Variants in MTMR1 observed in about 807,000 individuals in gnomAD.
MTMR1 encodes the protein phosphatidylinositol-3-phosphate phosphatase MTMR1.
A neutral mutation model predicts 51.6 loss-of-function variants in MTMR1; 17 were observed. That is an observed-to-expected ratio of 0.33 (90% CI 0.23 to 0.49). MTMR1 has a LOEUF of 0.49. Among genes scored for constraint, MTMR1 ranks in the 20% least tolerant of loss-of-function variants. The probability of loss-of-function intolerance (pLI) is 0.99; values close to 1 mark genes in which losing one functional copy is unlikely to be tolerated. For missense variants in MTMR1, 386 were observed against 526.9 expected, an observed-to-expected ratio of 0.73 and a Z score of 2.62; for synonymous variants, 201 against 205.6, an observed-to-expected ratio of 0.98 and a Z score of 0.19.
intron 9 of MTMR1, 90 bp downstream of exon 9, chrX:150,731,709 C>CA: frequency 5.9e-6 from 5 of 847,706 alleles, no homozygotes; most frequent in Non-Finnish European, 7.9e-6. Context: ...AACTAGTGAA[C>CA]AAAAATGGAA....
chrX:150,735,642 T>A (rs891793808), intron 10 of MTMR1: 51 of 349,707 alleles, frequency 1.5e-4, no homozygotes, highest in East Asian at 3.1e-4. Flanking sequence ...TCTTCTTTTT[T>A]AAAAAAAACT....
At chrX:150,758,799 A>C (rs1341819766) in intron 15 of MTMR1, among the ~76,000 whole-genome samples, 4 of 111,006 alleles carry the variant, frequency 3.6e-5, no homozygotes, top group Non-Finnish European at 7.6e-5. Context: ...CCGTCTCAAA[A>C]AAAAAAAAAA....
In MTMR1 at chrX:150,718,606, T is replaced by TCCAGGCTCTAAGGGATGGAAATAAGC; in HGVS notation, c.277-19_277-18insCCAGGCTCTAAGGGATGGAAATAAGC. 1.0e-6 allele frequency: 1 copy of TCCAGGCTCTAAGGGATGGAAATAAGC among 973,988 alleles called. No homozygotes were observed. Among genetic ancestry groups the TCCAGGCTCTAAGGGATGGAAATAAGC allele is most frequent in the Non-Finnish European group, 1.3e-6 (1 of 772,011 alleles). The allele number at this position is 973,988 out of a possible 1,213,427, so 80.3% of individuals were successfully genotyped here. ...GTCCTTTTTTTTTTTTTTTTTTTTT[T>TCCAGGCTCTAAGGGATGGAAATAAGC]TTTTTTTTTTTTTGCCAGGCTCTAA... is the stretch of plus-strand genomic sequence containing the variant. On this transcript the variant is annotated intron_variant, in intron 3 of 15. Coordinates refer to ENST00000445323, the MANE Select transcript of MTMR1 (RefSeq NM_001306144.3).
At chrX:150,721,700 T>C (rs1428076342) in intron 4 of MTMR1, among the ~76,000 whole-genome samples, 2 of 111,555 alleles carry the variant, frequency 1.8e-5, no homozygotes, top group Non-Finnish European at 3.8e-5. Context: ...TTGATTTTAT[T>C]GATCTTCTCC....
intron 14 of MTMR1, among the ~76,000 whole-genome samples, chrX:150,755,400 A>G (rs1299936717): frequency 9.0e-6 from 1 of 111,655 alleles, no homozygotes; most frequent in African/African-American, 3.3e-5. Flanking sequence ...GGTGGGTCCT[A>G]TCATCCTGTG....
intron 2 of MTMR1, among the ~76,000 whole-genome samples, chrX:150,704,791 T>A (rs2041037783): frequency 9.0e-6 from 1 of 111,676 alleles, no homozygotes; most frequent in Non-Finnish European, 1.9e-5. Flanking sequence ...TTGAATAAGA[T>A]CCAGGGTCTT....
intron 3 of MTMR1, among the ~76,000 whole-genome samples, chrX:150,716,569 G>A (rs928882948): frequency 8.9e-6 from 1 of 112,454 alleles, no homozygotes; most frequent in African/African-American, 3.2e-5. Context: ...CTGTTTGGAG[G>A]TAACGATGAT....
At chrX:150,693,307 G>A, upstream of MTMR1, 1 of 251,053 alleles carries the variant, frequency 4.0e-6, no homozygotes, top group African/African-American at 2.9e-5. Flanking sequence ...GGTTCCCGGC[G>A]CCGGCCCCGC....
chrX:150,731,219 G>A (rs2042108399), intron 8 of MTMR1, among the ~76,000 whole-genome samples: 1 of 112,184 alleles, frequency 8.9e-6, no homozygotes, highest in Non-Finnish European at 1.9e-5. Flanking sequence ...ATATAGAAAT[G>A]TGATTCTAGC....
Position 150,695,670 on chromosome X carries a change from G to A in MTMR1, c.146+1994G>A, listed in dbSNP as rs782071602. Among the ~76,000 whole-genome samples, 6 of 112,067 alleles carry A rather than the reference G, an allele frequency of 5.4e-5. No individual in the cohort carries two copies. In the South Asian group the frequency reaches 2.2e-3, roughly 41 times the overall value. ...TTCGCTCTGGACATATCAATTTTGA[G>A]ATGCCAATTATATGTCCCAGAATAG... On this transcript the variant is annotated intron_variant, in intron 1 of 15. Coordinates refer to ENST00000445323, the MANE Select transcript of MTMR1 (RefSeq NM_001306144.3).
At chrX:150,744,599 A>G (rs1296613915) in intron 13 of MTMR1, 146 bp downstream of exon 13, 1 of 501,206 alleles carries the variant, frequency 2.0e-6, no homozygotes, top group Non-Finnish European at 3.2e-6. Flanking sequence ...TCGCTTAGAA[A>G]TATAAGCAGA....
rs1182491531 is a variant in MTMR1 at position 150,729,220 on chromosome X, A to ACC, written c.556-888_556-887insCC. Among the ~76,000 whole-genome samples, 245 of 101,280 alleles carry ACC rather than the reference A, an allele frequency of 2.4e-3. 4 individuals carry two copies. The highest frequency in any genetic ancestry group is 3.0e-3 in the East Asian group (10 of 3,359). The allele number at this position is 101,280 out of a possible 115,157, so 87.9% of individuals were successfully genotyped here. On this transcript the variant is annotated intron_variant, in intron 6 of 15. Coordinates refer to ENST00000445323, the MANE Select transcript of MTMR1 (RefSeq NM_001306144.3). ...TGGTTCATACTTGACACACCCACCC[A>ACC]CACACACACACACACACACACACAC...
chrX:150,729,218 CCACACACA>C (rs57306023), intron 6 of MTMR1, among the ~76,000 whole-genome samples: 1 of 100,107 alleles, frequency 1.0e-5, no homozygotes, highest in Admixed American at 1.1e-4. Flanking sequence ...ACACACCCAC[CCACACACA>C]CACACACACA....
chrX:150,700,795 A>G (rs2040879572), intron 2 of MTMR1, among the ~76,000 whole-genome samples: 1 of 112,668 alleles, frequency 8.9e-6, no homozygotes, highest in South Asian at 3.6e-4. Flanking sequence ...GTTAACTGTA[A>G]TGTTTTCATT....
At chrX:150,759,988 G>T (rs1557417932) in intron 15 of MTMR1, among the ~76,000 whole-genome samples, 1 of 109,723 alleles carries the variant, frequency 9.1e-6, no homozygotes, top group African/African-American at 3.2e-5. Flanking sequence ...CTGCAGCAGG[G>T]TCCTGAGCCT....
intron 12 of MTMR1, among the ~76,000 whole-genome samples, chrX:150,740,418 T>C (rs984143052): frequency 1.8e-5 from 2 of 112,100 alleles, no homozygotes; most frequent in Non-Finnish European, 3.8e-5. Flanking sequence ...TTCCTCCAAC[T>C]TTCAGGTCTT....
intron 13 of MTMR1, among the ~76,000 whole-genome samples, chrX:150,745,075 TAGGCCATA>T (rs1408362479): frequency 1.8e-5 from 2 of 112,732 alleles, no homozygotes; most frequent in African/African-American, 6.4e-5. Context: ...CAGTTCAAAG[TAGGCCATA>T]AGGCCATAGT....
chrX:150,693,728 C>T, intron 1 of MTMR1, 52 bp downstream of exon 1: 2 of 734,403 alleles, frequency 2.7e-6, no homozygotes, highest in Non-Finnish European at 3.2e-6. Context: ...TCCCGAGGGC[C>T]CCGCGCGAGG....
rs1404704117 is a variant in MTMR1, at chrX:150,762,493, C to G, written c.1858-72C>G. On this transcript the variant is annotated intron_variant, in intron 15 of 15. Coordinates refer to ENST00000445323, the MANE Select transcript of MTMR1 (RefSeq NM_001306144.3). ...GATGGTGAAAAGCTCCTGAAGCCAA[C>G]AGCATCTCCATGTGGAAACGCTGTG... is the stretch of plus-strand genomic sequence containing the variant. 3 of 1,174,517 alleles carry G rather than the reference C, an allele frequency of 2.6e-6. No individual in the cohort carries two copies. In the East Asian group the frequency reaches 8.9e-5, roughly 35 times the overall value.
Sources: gnomAD v4.1 joint callset for allele counts (sites outside exome capture counted in the v4.1 genomes callset) on GRCh38, gnomAD v4.1.1 for gene constraint, MANE v1.5 for transcripts, NCBI Gene and HGNC (gene_info 2026-07-23, HGNC 2026-07-21) for gene names.